The following OCA2 variants were observed in gnomAD, a reference collection of about 807,000 sequenced individuals.
The protein encoded by OCA2 is OCA2 melanosomal transmembrane protein, also known as P protein.
In OCA2, 77 loss-of-function variants were observed where a neutral mutation model predicts 100.2. That is an observed-to-expected ratio of 0.77 (90% confidence interval 0.64 to 0.93). The LOEUF (loss-of-function observed/expected upper bound fraction) is 0.93, where lower values mean the gene tolerates loss of function less well. Among genes scored for constraint, OCA2 ranks in the 40% least tolerant of loss-of-function variants. The pLI, the probability that OCA2 is intolerant of heterozygous loss-of-function variation, is 0.00. For missense variants in OCA2, 1,062 were observed against 1,089.1 expected (o/e 0.98, Z 0.35); for synonymous variants, 432 against 439.2 (o/e 0.98, Z 0.21).
At chr15:27,859,477 A>T (rs2036055294) in intron 21 of OCA2, among the ~76,000 whole-genome samples, 1 of 152,214 alleles carries the variant, frequency 6.6e-6, no homozygotes, top group Non-Finnish European at 1.5e-5. Flanking sequence ...CTCATGAAAA[A>T]ATAGAATATT....
At chr15:28,027,558 C>T (rs2042790913) in intron 4 of OCA2, among the ~76,000 whole-genome samples, 1 of 152,144 alleles carries the variant, frequency 6.6e-6, no homozygotes, top group South Asian at 2.1e-4. Context: ...CACGGGGACG[C>T]CTGAAGCAAA....
At chr15:27,726,003 T>C in the OCA2 span, among the ~76,000 whole-genome samples, 1 of 151,428 alleles carries the variant, frequency 6.6e-6, no homozygotes, top group African/African-American at 2.4e-5. Context: ...AACTACCAGA[T>C]AATAAATAGT....
At chr15:27,816,484 T>C (rs975981769) in intron 23 of OCA2, among the ~76,000 whole-genome samples, 2 of 152,188 alleles carry the variant, frequency 1.3e-5, no homozygotes, top group Admixed American at 6.5e-5. Flanking sequence ...CCAGACACCA[T>C]GTCCCATTCG....
intron 18 of OCA2, among the ~76,000 whole-genome samples, chr15:27,941,564 T>G (rs2039648656): frequency 6.6e-6 from 1 of 152,048 alleles, no homozygotes; most frequent in South Asian, 2.1e-4. Flanking sequence ...TTGAAAACAT[T>G]TTGGAGCTAA....
intron 17 of OCA2, among the ~76,000 whole-genome samples, chr15:27,952,690 T>G (rs2040074978): frequency 6.6e-6 from 1 of 151,860 alleles, no homozygotes; most frequent in African/African-American, 2.4e-5. Flanking sequence ...ATTTTCATTT[T>G]CATTTTTTGA....
At chr15:27,858,550 T>C (rs895714967) in intron 21 of OCA2, among the ~76,000 whole-genome samples, 18 of 151,846 alleles carry the variant, frequency 1.2e-4, no homozygotes, top group African/African-American at 4.1e-4. Context: ...AGAACTGAGG[T>C]GGGTACATTA....
At chr15:28,018,883 C>T (rs1272762018) in intron 6 of OCA2, among the ~76,000 whole-genome samples, 5 of 152,298 alleles carry the variant, frequency 3.3e-5, no homozygotes, top group East Asian at 3.9e-4. Context: ...GGGCCCCTCC[C>T]GGCCCGTTTC....
At chr15:27,740,644 G>T in the OCA2 span, among the ~76,000 whole-genome samples, 3 of 152,168 alleles carry the variant, frequency 2.0e-5, no homozygotes, top group African/African-American at 4.8e-5. Flanking sequence ...GACCTCATGG[G>T]GAGGACAAGC....
chr15:28,020,474 G>A (rs1039559991), intron 6 of OCA2, among the ~76,000 whole-genome samples: 1 of 152,042 alleles, frequency 6.6e-6, no homozygotes, highest in African/African-American at 2.4e-5. Flanking sequence ...GGTCAGCCTG[G>A]CAGCCGGTTG....
chr15:27,849,709 G>A (rs2035677131), intron 22 of OCA2, among the ~76,000 whole-genome samples: 1 of 152,170 alleles, frequency 6.6e-6, no homozygotes, highest in African/African-American at 2.4e-5. Flanking sequence ...AGCCTGGGCT[G>A]GTGAAAAGAG....
At position 28,027,863 on chromosome 15, in the gene OCA2, C is replaced by G. The variant is rs1419081403; in HGVS notation, c.515+8G>C. 6.2e-7 allele frequency: 1 copy of G among 1,612,118 alleles called. No individual in the cohort carries two copies. Among genetic ancestry groups the G allele is most frequent in the Admixed American group, 1.7e-5 (1 of 60,022 alleles). On this transcript the variant is annotated splice_region_variant and intron_variant, in intron 4 of 23. Transcript: ENST00000354638. ...TGCTGCCAGGGTGGGCACCCCAAGTCCGCCTACCTCAGCTTGGAAAGACGG... is the reference window on the plus strand; with the variant it reads ...TGCTGCCAGGGTGGGCACCCCAAGTGCGCCTACCTCAGCTTGGAAAGACGG...
At chr15:27,848,452 C>A (rs2035616062) in intron 22 of OCA2, among the ~76,000 whole-genome samples, 1 of 152,128 alleles carries the variant, frequency 6.6e-6, no homozygotes, top group Admixed American at 6.5e-5. Context: ...GTAGGGAGAA[C>A]AAGGCCCCAG....
At chr15:27,958,967 C>T (rs1245247370) in intron 15 of OCA2, among the ~76,000 whole-genome samples, 1 of 152,168 alleles carries the variant, frequency 6.6e-6, no homozygotes, top group Non-Finnish European at 1.5e-5. Flanking sequence ...TGGGAAAACG[C>T]CACCTTTTAA....
intron 19 of OCA2, among the ~76,000 whole-genome samples, chr15:27,887,149 G>A (rs1485153844): frequency 1.3e-5 from 2 of 152,132 alleles, no homozygotes; most frequent in African/African-American, 2.4e-5. Flanking sequence ...TGCCATGATC[G>A]TGAGGCCTCC....
At chr15:27,896,638 C>CAAAA in intron 19 of OCA2, 2 of 140,422 alleles carry the variant, frequency 1.4e-5, no homozygotes, top group Admixed American at 1.4e-4. Context: ...TTATTGACAG[C>CAAAA]AAAAAAAAAA....
chr15:27,788,188 A>T (rs998588571), intron 23 of OCA2, among the ~76,000 whole-genome samples: 6 of 152,046 alleles, frequency 3.9e-5, no homozygotes, highest in African/African-American at 1.4e-4. Context: ...TGAAAAAAAC[A>T]ATGTGTATTC....
chr15:27,771,454 AG>A (rs2031855349), intron 23 of OCA2, among the ~76,000 whole-genome samples: 1 of 151,076 alleles, frequency 6.6e-6, no homozygotes, highest in South Asian at 2.1e-4. Flanking sequence ...TGCTCCGCAG[AG>A]GCGTGGGTTC....
intron 1 of OCA2, among the ~76,000 whole-genome samples, chr15:28,082,733 T>G (rs2044687794): frequency 6.6e-6 from 1 of 152,206 alleles, no homozygotes; most frequent in Admixed American, 6.5e-5. Context: ...TGGCTACCTC[T>G]GGATGGCGAA....
intron 23 of OCA2, among the ~76,000 whole-genome samples, chr15:27,793,324 A>C (rs1030049835): frequency 4.6e-5 from 7 of 152,226 alleles, no homozygotes; most frequent in Admixed American, 6.5e-5. Context: ...CTATTACTAG[A>C]ATCTGAAAAG....
Sources: allele counts gnomAD v4.1 joint callset (sites outside exome capture counted in the v4.1 genomes callset), GRCh38; gene constraint gnomAD v4.1.1; transcripts MANE v1.5; gene names NCBI Gene and HGNC (gene_info 2026-07-23, HGNC 2026-07-21).